Variants in LIN28B observed in about 807,000 individuals in gnomAD.
LIN28B encodes the protein protein lin-28 homolog B.
In LIN28B, 5 loss-of-function variants were observed where a neutral mutation model predicts 21.9. The ratio of observed to expected loss-of-function variants is 0.23; its 90% confidence interval spans 0.12 to 0.48. The LOEUF is 0.48. LIN28B is among the 20% of genes least tolerant of loss of function. LIN28B has a pLI of 0.98. For missense variants in LIN28B, 245 were observed against 310.5 expected (o/e 0.79, Z 1.58); for synonymous variants, 109 against 111.3 (o/e 0.98, Z 0.13).
chr6:104,998,109 T>TCAAACCA lies in LIN28B; in HGVS notation c.199-28188_199-28182dup, dbSNP rs546161182. Among the ~76,000 whole-genome samples, 333 of 152,302 alleles carry TCAAACCA rather than the reference T, an allele frequency of 2.2e-3. 1 individual carries two copies. Among genetic ancestry groups the TCAAACCA allele is most frequent in the African/African-American group, 7.7e-3 (321 of 41,566 alleles). Reference sequence around the variant, plus strand: ...TTTTAGCTAAAATGTGTAATACTGATCAAACCATACAATAACAGAATATTA... The same window carrying TCAAACCA: ...TTTTAGCTAAAATGTGTAATACTGATCAAACCACAAACCATACAATAACAGAATATTA... On this transcript the variant is annotated intron_variant, in intron 2 of 3. Transcript: ENST00000345080.
At chr6:104,948,064 A>C (rs761486188) in intron 2 of LIN28B, among the ~76,000 whole-genome samples, 1 of 152,150 alleles carries the variant, frequency 6.6e-6, no homozygotes, top group Non-Finnish European at 1.5e-5. Context: ...ATGAATGGAG[A>C]TTATTCTCGT....
intron 2 of LIN28B, among the ~76,000 whole-genome samples, chr6:104,979,416 C>G (rs1770174028): frequency 6.6e-6 from 1 of 151,940 alleles, no homozygotes; most frequent in Non-Finnish European, 1.5e-5. Flanking sequence ...CCATGTTGGC[C>G]AGGCTGGTCT....
At chr6:104,996,020 G>GA (rs1220371738) in intron 2 of LIN28B, among the ~76,000 whole-genome samples, 9 of 151,482 alleles carry the variant, frequency 5.9e-5, no homozygotes, top group Non-Finnish European at 1.3e-4. Context: ...AAACACATGT[G>GA]AATCAAACAA....
intron 3 of LIN28B, among the ~76,000 whole-genome samples, chr6:105,030,599 T>C (rs930790230): frequency 2.8e-5 from 4 of 145,082 alleles, no homozygotes; most frequent in African/African-American, 1.0e-4. Context: ...TTTCTTTTTT[T>C]TTTTTTTTTT....
chr6:105,071,523 G>A (rs1488865012), intron 3 of LIN28B, among the ~76,000 whole-genome samples: 1 of 152,064 alleles, frequency 6.6e-6, no homozygotes, highest in Non-Finnish European at 1.5e-5. Flanking sequence ...CAATGCTGTT[G>A]TTAATATCTT....
chr6:105,007,526 T>C (rs1228584785), intron 2 of LIN28B, among the ~76,000 whole-genome samples: 3 of 151,978 alleles, frequency 2.0e-5, no homozygotes, highest in Non-Finnish European at 4.4e-5. Flanking sequence ...TTTTTAAATA[T>C]ATCTCTTTTT....
chr6:105,021,040 C>T (rs1771130692), intron 2 of LIN28B, among the ~76,000 whole-genome samples: 1 of 152,146 alleles, frequency 6.6e-6, no homozygotes, highest in Non-Finnish European at 1.5e-5. Flanking sequence ...CAAGCGTGAG[C>T]CACCGCGCCT....
intron 2 of LIN28B, among the ~76,000 whole-genome samples, chr6:104,966,696 A>G (rs1377041175): frequency 6.9e-6 from 1 of 144,234 alleles, no homozygotes; most frequent in Non-Finnish European, 1.5e-5. Flanking sequence ...GTATCGGCTC[A>G]CTGCAAGCTC....
At chr6:104,955,747 G>C (rs2114561053), upstream of LIN28B, among the ~76,000 whole-genome samples, 1 of 151,108 alleles carries the variant, frequency 6.6e-6, no homozygotes, top group African/African-American at 2.4e-5. Flanking sequence ...TTAGTTTCTT[G>C]GTAAACTGCT....
rs544361124 is a variant in LIN28B at position 105,021,268 on chromosome 6, C to T, written c.199-5030C>T. On this transcript the variant is annotated intron_variant, in intron 2 of 3. Coordinates refer to ENST00000345080, the MANE Select transcript of LIN28B (RefSeq NM_001004317.4). ...ATATACACCACATTTTCTTTATCCA[C>T]TCATCCATTGATAAATAGTTTGATT... Among the ~76,000 whole-genome samples, 56 of 152,226 alleles carry T rather than the reference C, an allele frequency of 3.7e-4. 2 individuals carry two copies. In the South Asian group the frequency reaches 8.7e-3, roughly 24 times the overall value.
At chr6:105,068,977 G>A (rs555559104) in intron 3 of LIN28B, among the ~76,000 whole-genome samples, 1 of 152,126 alleles carries the variant, frequency 6.6e-6, no homozygotes, top group African/African-American at 2.4e-5. Context: ...AGCACTTTGG[G>A]AGGCCGAGGC....
intron 2 of LIN28B, among the ~76,000 whole-genome samples, chr6:104,973,150 A>G (rs900439506): frequency 1.3e-5 from 2 of 151,958 alleles, no homozygotes; most frequent in African/African-American, 4.8e-5. Context: ...TGTTTGGGAA[A>G]TTGTCTTGTT....
intron 2 of LIN28B, among the ~76,000 whole-genome samples, chr6:105,007,344 G>A (rs1257105024): frequency 6.6e-6 from 1 of 152,116 alleles, no homozygotes; most frequent in Non-Finnish European, 1.5e-5. Context: ...TTGAAACAGA[G>A]TCAGATGCTT....
chr6:104,964,034 AT>A (rs1376906124), intron 2 of LIN28B, among the ~76,000 whole-genome samples: 1 of 152,104 alleles, frequency 6.6e-6, no homozygotes, highest in Non-Finnish European at 1.5e-5. Context: ...CTTCACTGTA[AT>A]TTTTGTCGCT....
intron 2 of LIN28B, among the ~76,000 whole-genome samples, chr6:104,949,037 GTTTTT>G (rs757071978): frequency 4.2e-5 from 6 of 143,730 alleles, no homozygotes; most frequent in African/African-American, 1.5e-4. Flanking sequence ...TATTTGCAAA[GTTTTT>G]TTTTTTTTAA....
intron 3 of LIN28B, among the ~76,000 whole-genome samples, chr6:105,041,644 G>C (rs1737926370): frequency 6.6e-6 from 1 of 152,094 alleles, no homozygotes; most frequent in South Asian, 2.1e-4. Context: ...AGGTATAGTG[G>C]TCATAAGTGT....
intron 2 of LIN28B, among the ~76,000 whole-genome samples, chr6:105,020,249 T>G (rs1395970457): frequency 6.6e-6 from 1 of 151,888 alleles, no homozygotes; most frequent in Non-Finnish European, 1.5e-5. Flanking sequence ...ATGTTGGGAT[T>G]ACAGGCATCA....
intron 2 of LIN28B, among the ~76,000 whole-genome samples, chr6:105,017,656 G>A (rs186276572): frequency 4.2e-3 from 638 of 152,080 alleles, no homozygotes; most frequent in Non-Finnish European, 7.1e-3. Flanking sequence ...ACCAAATATT[G>A]CATGTTGTCA....
At chr6:105,047,428 G>A (rs575712027) in intron 3 of LIN28B, among the ~76,000 whole-genome samples, 4 of 152,280 alleles carry the variant, frequency 2.6e-5, no homozygotes, top group African/African-American at 9.6e-5. Flanking sequence ...TAGCCTTGTA[G>A]TATAGTTTGA....
Sources: allele counts gnomAD v4.1 joint callset (sites outside exome capture counted in the v4.1 genomes callset), GRCh38; gene constraint gnomAD v4.1.1; transcripts MANE v1.5; gene names NCBI Gene and HGNC (gene_info 2026-07-23, HGNC 2026-07-21).